The following CCDC149 variants were observed in gnomAD, a reference collection of about 807,000 sequenced individuals.
CCDC149 encodes coiled-coil domain containing 149, also known as coiled-coil domain-containing protein 149.
CCDC149 carries 45 observed loss-of-function variants against 59.9 expected under a neutral mutation model. The observed-to-expected ratio is 0.75, with a 90% CI of 0.59 to 0.96. The LOEUF is 0.96. Ranked by LOEUF, CCDC149 falls within the 40% of genes least tolerant of loss-of-function variation. The pLI is 0.00. For synonymous variants in CCDC149, 245 were observed against 260.6 expected (o/e 0.94, Z 0.58); for missense variants, 584 against 664.7 (o/e 0.88, Z 1.33).
chr4:24,905,369 A>G, intron 1 of CCDC149, among the ~76,000 whole-genome samples: 1 of 149,676 alleles, frequency 6.7e-6, no homozygotes, highest in Admixed American at 6.7e-5. Context: ...TTGATAACTT[A>G]TCTTTTTCAT....
chr4:24,804,486 CAAAAAAAA>C (rs397796144), downstream of CCDC149, among the ~76,000 whole-genome samples: 1 of 57,126 alleles, frequency 1.8e-5, no homozygotes, highest in Non-Finnish European at 3.5e-5. Context: ...GTGAGACTCT[CAAAAAAAA>C]AAAAAAAAAA....
intron 11 of CCDC149, 59 bp from the exon 12 acceptor site, chr4:24,820,034 T>G (rs1238147151): frequency 1.6e-6 from 2 of 1,275,936 alleles, no homozygotes; most frequent in Non-Finnish European, 2.2e-6. Flanking sequence ...GGGTTGCATT[T>G]AGTCCCACAC....
At chr4:24,832,650 A>C (rs879786322) in intron 8 of CCDC149, among the ~76,000 whole-genome samples, 5 of 152,182 alleles carry the variant, frequency 3.3e-5, no homozygotes, top group Non-Finnish European at 7.3e-5. Context: ...GTACACTTTC[A>C]AAAAATTCCT....
At chr4:24,953,249 G>T (rs1723365370) in intron 1 of CCDC149, among the ~76,000 whole-genome samples, 1 of 152,200 alleles carries the variant, frequency 6.6e-6, no homozygotes, top group African/African-American at 2.4e-5. Flanking sequence ...TGATTTTGGA[G>T]GATGGGGCCC....
intron 1 of CCDC149, among the ~76,000 whole-genome samples, chr4:24,934,026 C>A (rs993407831): frequency 2.6e-5 from 4 of 152,192 alleles, no homozygotes; most frequent in African/African-American, 9.7e-5. Context: ...GTCATTCTCA[C>A]CATTCAGTAG....
chr4:24,845,319 C>G (rs1339608935), intron 4 of CCDC149, among the ~76,000 whole-genome samples: 2 of 152,226 alleles, frequency 1.3e-5, no homozygotes, highest in African/African-American at 4.8e-5. Context: ...GTGTCACGCA[C>G]ATGCGCAGAG....
At chr4:24,854,261 A>G (rs895737103) in intron 3 of CCDC149, among the ~76,000 whole-genome samples, 1 of 152,164 alleles carries the variant, frequency 6.6e-6, no homozygotes, top group Non-Finnish European at 1.5e-5. Flanking sequence ...ACTTGCCCTA[A>G]TTCTCACCTG....
chr4:24,940,797 G>A (rs1030873730), intron 1 of CCDC149, among the ~76,000 whole-genome samples: 1 of 152,086 alleles, frequency 6.6e-6, no homozygotes, highest in African/African-American at 2.4e-5. Context: ...AAGAGACAAA[G>A]AAGGCCATGA....
At chr4:24,840,172 G>A (rs1441633813) in intron 4 of CCDC149, among the ~76,000 whole-genome samples, 1 of 152,104 alleles carries the variant, frequency 6.6e-6, no homozygotes, top group Non-Finnish European at 1.5e-5. Flanking sequence ...ACTTACTTTG[G>A]GTCCTTATTT....
intron 1 of CCDC149, among the ~76,000 whole-genome samples, chr4:24,898,117 G>A (rs1372896755): frequency 6.6e-6 from 1 of 152,180 alleles, no homozygotes; most frequent in Non-Finnish European, 1.5e-5. Flanking sequence ...TTGACAGTCA[G>A]CAGCTGACAC....
intron 1 of CCDC149, among the ~76,000 whole-genome samples, chr4:24,888,382 A>T (rs2109277883): frequency 6.6e-6 from 1 of 152,118 alleles, no homozygotes; most frequent in East Asian, 1.9e-4. Context: ...GAAAAAAAAA[A>T]TCCAGTTACA....
At chr4:24,835,102 C>T in intron 7 of CCDC149, 70 bp from the exon 8 acceptor site, 1 of 1,056,064 alleles carries the variant, frequency 9.5e-7, no homozygotes, top group Non-Finnish European at 1.5e-6. Flanking sequence ...CTAGCAGATG[C>T]CTTCTCTCAT....
At chr4:24,853,592 A>G (rs1383401087) in intron 3 of CCDC149, among the ~76,000 whole-genome samples, 1 of 151,514 alleles carries the variant, frequency 6.6e-6, no homozygotes, top group Non-Finnish European at 1.5e-5. Context: ...CATTTCAAAA[A>G]AAAAAAAAAA....
intron 1 of CCDC149, among the ~76,000 whole-genome samples, chr4:24,953,052 A>T (rs1318646776): frequency 6.6e-6 from 1 of 151,984 alleles, no homozygotes; most frequent in Non-Finnish European, 1.5e-5. Flanking sequence ...GAGCAACCTG[A>T]CCCTCCAATA....
chr4:24,914,077 C>A (rs1722045347), upstream of CCDC149, among the ~76,000 whole-genome samples: 1 of 152,044 alleles, frequency 6.6e-6, no homozygotes, highest in African/African-American at 2.4e-5. Context: ...AATTTTTAGC[C>A]CCTGTTGATC....
chr4:24,887,850 G>A (rs527711518), intron 1 of CCDC149, among the ~76,000 whole-genome samples: 204 of 151,726 alleles, frequency 1.3e-3, no homozygotes, highest in Non-Finnish European at 2.4e-3. Flanking sequence ...TTGCAAACAG[G>A]AGCCTTTCAG....
chr4:24,853,905 A>G (rs947030096), intron 3 of CCDC149, among the ~76,000 whole-genome samples: 1 of 152,046 alleles, frequency 6.6e-6, no homozygotes, highest in Non-Finnish European at 1.5e-5. Context: ...TTATTTCCTT[A>G]TTCTACCTCA....
chr4:24,820,257 G>C (rs539074738), intron 11 of CCDC149: 20 of 340,606 alleles, frequency 5.9e-5, no homozygotes, highest in African/African-American at 4.3e-4. Context: ...TATTCATCTT[G>C]CTTCCCTAAG....
At chr4:24,898,739 T>C (rs980522483) in intron 1 of CCDC149, among the ~76,000 whole-genome samples, 1 of 152,090 alleles carries the variant, frequency 6.6e-6, no homozygotes, top group Non-Finnish European at 1.5e-5. Flanking sequence ...CCAAATGCAA[T>C]GTACCACTCA....
Sources: gnomAD v4.1 joint callset for allele counts (sites outside exome capture counted in the v4.1 genomes callset) on GRCh38, gnomAD v4.1.1 for gene constraint, MANE v1.5 for transcripts, NCBI Gene and HGNC (gene_info 2026-07-23, HGNC 2026-07-21) for gene names.